ADAM9: variants seen among roughly 807,000 people sequenced by gnomAD.
ADAM9 encodes ADAM metallopeptidase domain 9.
In ADAM9, 54 loss-of-function variants were observed where a neutral mutation model predicts 108.1. That is an observed-to-expected ratio of 0.50 (90% CI 0.40 to 0.63). The LOEUF (loss-of-function observed/expected upper bound fraction) is 0.63, where lower values mean the gene tolerates loss of function less well. ADAM9 is among the 20% of genes least tolerant of loss of function. The probability of loss-of-function intolerance (pLI) is 0.00; values close to 1 mark genes in which losing one functional copy is unlikely to be tolerated. For missense variants in ADAM9, 830 were observed against 997.7 expected (o/e 0.83, Z 2.26); for synonymous variants, 316 against 336.0 (o/e 0.94, Z 0.65).
At chr8:39,024,535 A>G (rs1836859236) in intron 9 of ADAM9, among the ~76,000 whole-genome samples, 1 of 152,180 alleles carries the variant, frequency 6.6e-6, no homozygotes, top group Non-Finnish European at 1.5e-5. Flanking sequence ...TTTGGGGCCT[A>G]TGAGTTCCTT....
intron 16 of ADAM9, among the ~76,000 whole-genome samples, chr8:39,080,247 G>T (rs6474526): frequency 0.8 from 120,885 of 151,974 alleles, 48,281 homozygotes; most frequent in East Asian, 0.94. Flanking sequence ...ACTGATTGTT[G>T]CAGTGTAAGC....
chr8:39,045,040 A>ATG (rs1222335373), intron 12 of ADAM9, among the ~76,000 whole-genome samples: 2 of 62,884 alleles, frequency 3.2e-5, no homozygotes, highest in Non-Finnish European at 5.9e-5. Context: ...ATACATACAT[A>ATG]TGTATGTGTA....
rs754539062 is a variant in ADAM9 at position 39,026,769 on chromosome 8, T to C, written c.1089T>C (p.Cys363=). Residue 363 remains cysteine, a synonymous_variant, in exon 11 of 22, where the codon TGT becomes TGC. Coordinates refer to ENST00000487273, the MANE Select transcript of ADAM9 (RefSeq NM_003816.3). ...TGAATCACGATGATGGGAGAGATTG[T>C]TCCTGTGGAGCAAAGAGCTGCATCA... ...LGMNHDDGRD[C]SCGAKSCIMN... 2.5e-6 allele frequency: 4 copies of C among 1,614,204 alleles called. No individual in the cohort carries two copies. The highest frequency in any genetic ancestry group is 2.2e-5 in the South Asian group (2 of 91,086).
chr8:39,081,736 T>A (rs1839030491), intron 16 of ADAM9, among the ~76,000 whole-genome samples: 1 of 152,230 alleles, frequency 6.6e-6, no homozygotes, highest in Non-Finnish European at 1.5e-5. Flanking sequence ...GCTATCGATA[T>A]TTCGTTGTAG....
In ADAM9 at chr8:39,065,375, C is replaced by T. The variant is rs531439127; in HGVS notation, c.1592-5923C>T. Among the ~76,000 whole-genome samples the T allele has an allele frequency of 4.6e-5, 7 of 151,824 alleles. No individual in the cohort carries two copies. The South Asian group carries it at 1.5e-3, about 32-fold the overall frequency. On this transcript the variant is annotated intron_variant, in intron 14 of 21. Transcript: ENST00000487273. ...TTTTTAAGAAATAATCTATTCTTGG[C>T]CAGGCGCGGTGGCTCACGCCTGTAA... is the stretch of plus-strand genomic sequence containing the variant.
At chr8:39,005,933 G>A (rs765838247) in intron 1 of ADAM9, among the ~76,000 whole-genome samples, 4 of 152,208 alleles carry the variant, frequency 2.6e-5, no homozygotes, top group African/African-American at 4.8e-5. Flanking sequence ...CACCTGAGAT[G>A]TTTTTTAAAG....
Position 39,071,460 on chromosome 8 carries a change from A to G in ADAM9, c.1697+57A>G, listed in dbSNP as rs1838687257. The G allele has an allele frequency of 1.5e-5, 12 of 786,232 alleles. No homozygotes were observed. In the South Asian group the frequency reaches 1.5e-4, roughly 10 times the overall value. The allele number at this position is 786,232 out of a possible 1,614,324, so 48.7% of individuals were successfully genotyped here. ...AAAGATTATAAGATCCGTCATCTCT[A>G]GTATCTTTTTTTTTTTTTTTTTTTT... On this transcript the variant is annotated intron_variant, in intron 15 of 21. Transcript: ENST00000487273.
intron 15 of ADAM9, 80 bp downstream of exon 15, chr8:39,071,483 TTTG>T: frequency 8.1e-7 from 1 of 1,239,158 alleles, no homozygotes; most frequent in Non-Finnish European, 1.1e-6. Context: ...TTTTTTTTTT[TTTG>T]AGACGGAGTC....
At chr8:38,997,234 G>A (rs1182362962) in intron 1 of ADAM9, 74 bp downstream of exon 1, 2 of 1,492,664 alleles carry the variant, frequency 1.3e-6, no homozygotes, top group Admixed American at 3.9e-5. Context: ...AACCTGTGGT[G>A]CCTGGGAGTG....
At chr8:39,001,318 A>G (rs960171148) in intron 1 of ADAM9, among the ~76,000 whole-genome samples, 2 of 152,282 alleles carry the variant, frequency 1.3e-5, no homozygotes, top group Non-Finnish European at 2.9e-5. Context: ...GTCATATGTG[A>G]TAATTACAAC....
chr8:39,008,030 TTC>T, intron 2 of ADAM9, 47 bp downstream of exon 2: 1 of 1,429,246 alleles, frequency 7.0e-7, no homozygotes, highest in Non-Finnish European at 9.8e-7. Context: ...TTTTTTTCTT[TTC>T]TGTTTTAGCA....
intron 12 of ADAM9, among the ~76,000 whole-genome samples, chr8:39,051,126 G>C (rs1837945535): frequency 6.6e-6 from 1 of 152,036 alleles, no homozygotes; most frequent in South Asian, 2.1e-4. Context: ...AAAACCCCAG[G>C]GATCTAATAT....
intron 16 of ADAM9, among the ~76,000 whole-genome samples, chr8:39,082,011 A>C (rs992839317): frequency 2.0e-5 from 3 of 152,116 alleles, no homozygotes; most frequent in Non-Finnish European, 4.4e-5. Context: ...TTTATCTCTC[A>C]GTAGCTAGGA....
At chr8:39,045,138 A>T (rs1339217470) in intron 12 of ADAM9, among the ~76,000 whole-genome samples, 2 of 105,914 alleles carry the variant, frequency 1.9e-5, no homozygotes, top group Non-Finnish European at 4.2e-5. Context: ...ATACATACAT[A>T]TATGTGTATA....
chr8:39,008,894 G>C lies in ADAM9; in HGVS notation c.195+911G>C, dbSNP rs143799831. ...TCTTATTTGGACTTTAATTTTATAA[G>C]TCCTTCAACTTTATAGAAGTATAAT... is the stretch of plus-strand genomic sequence containing the variant. On this transcript the variant is annotated intron_variant, in intron 2 of 21. Transcript: ENST00000487273. Among the ~76,000 whole-genome samples the C allele has an allele frequency of 2.1e-4, 32 of 152,214 alleles. No homozygotes were observed. The East Asian group carries it at 3.3e-3, about 16-fold the overall frequency.
intron 14 of ADAM9, among the ~76,000 whole-genome samples, chr8:39,056,162 A>T (rs1308518480): frequency 2.0e-5 from 3 of 152,224 alleles, no homozygotes; most frequent in Non-Finnish European, 4.4e-5. Flanking sequence ...ATGGATCATG[A>T]TTTAGTTATT....
intron 1 of ADAM9, among the ~76,000 whole-genome samples, chr8:39,002,674 G>A (rs1424581934): frequency 1.3e-5 from 2 of 152,098 alleles, no homozygotes; most frequent in African/African-American, 2.4e-5. Flanking sequence ...TTACTATTAT[G>A]AAAAGTGTGC....
At chr8:39,069,078 C>A (rs1352463480) in intron 14 of ADAM9, among the ~76,000 whole-genome samples, 1 of 152,104 alleles carries the variant, frequency 6.6e-6, no homozygotes, top group African/African-American at 2.4e-5. Context: ...TTCTTATCTC[C>A]GAGGAATTCT....
chr8:39,011,521 GTTC>G (rs1836354303), intron 2 of ADAM9, 134 bp from the exon 3 acceptor site: 4 of 725,782 alleles, frequency 5.5e-6, no homozygotes, highest in African/African-American at 5.3e-5. Context: ...TAGACACAAA[GTTC>G]TTCTATTAAA....
Sources: allele counts gnomAD v4.1 joint callset (sites outside exome capture counted in the v4.1 genomes callset), GRCh38; gene constraint gnomAD v4.1.1; transcripts MANE v1.5; gene names NCBI Gene and HGNC (gene_info 2026-07-23, HGNC 2026-07-21).